Variants in MEGF9 observed in about 807,000 individuals in gnomAD.
MEGF9 encodes the protein multiple EGF like domains 9.
Under a neutral mutation model 46.8 loss-of-function variants are expected in MEGF9, and 6 were observed. The observed-to-expected ratio is 0.13, with a 90% confidence interval of 0.07 to 0.25. MEGF9 has a LOEUF of 0.25. MEGF9 is among the 10% of genes least tolerant of loss of function. The pLI is 1.00. For synonymous variants in MEGF9, 302 were observed against 330.7 expected (o/e 0.91, Z 0.94); for missense variants, 683 against 792.4 (o/e 0.86, Z 1.66).
Position 120,605,259 on chromosome 9 carries a change from ATCT to A in MEGF9, c.1737_1739del (p.Glu579del), listed in dbSNP as rs1249548350. 1.2e-6 allele frequency: 2 copies of A among 1,613,870 alleles called. No individual in the cohort carries two copies. The highest frequency in any genetic ancestry group is 1.7e-6 in the Non-Finnish European group (2 of 1,179,892). ...CATTGGGAGCCACTTCATTGCCATC[ATCT>A]TCCAACAATCCCGAAACATCTGCAT... On this transcript the variant is annotated inframe_deletion, in exon 6 of 6. Coordinates refer to ENST00000373930, the MANE Select transcript of MEGF9 (RefSeq NM_001080497.3). The surrounding 1 kb of genome is among the most constrained non-coding windows in gnomAD (Gnocchi z 4.0).
chr9:120,649,356 T>C (rs1464876327), intron 2 of MEGF9, among the ~76,000 whole-genome samples: 1 of 152,192 alleles, frequency 6.6e-6, no homozygotes, highest in African/African-American at 2.4e-5. Context: ...ACTATCTGTG[T>C]GGAGTTTGCA....
chr9:120,704,346 AAG>A (rs1338358169), intron 1 of MEGF9, among the ~76,000 whole-genome samples: 3 of 152,108 alleles, frequency 2.0e-5, no homozygotes, highest in Non-Finnish European at 2.9e-5. Flanking sequence ...AAAAAAAAAA[AAG>A]AGATGAAATT....
chr9:120,649,293 T>C (rs1359416695), intron 2 of MEGF9, among the ~76,000 whole-genome samples: 1 of 152,256 alleles, frequency 6.6e-6, no homozygotes, highest in Non-Finnish European at 1.5e-5. Context: ...AGTCCTCAAA[T>C]AATGTAGTTT....
intron 1 of MEGF9, chr9:120,691,487 T>A (rs1419212797): frequency 4.7e-6 from 2 of 427,802 alleles, no homozygotes; most frequent in Non-Finnish European, 4.8e-6. Flanking sequence ...GAACAAGAAG[T>A]CAGATTTCAA....
Position 120,605,230 on chromosome 9 carries a change from T to C in MEGF9, c.1769A>G (p.Gln590Arg). ...ATGTATGGGCGTCGTCAGGGTCAGCTGCCCATTGGGAGCCACTTCATTGCC... is the reference window on the plus strand; with the variant it reads ...ATGTATGGGCGTCGTCAGGGTCAGCCGCCCATTGGGAGCCACTTCATTGCC... ...DDGNEVAPNG[Q>R]LTLTTPIHNY... is the part of the protein sequence containing the mutation. Residue 590 changes from glutamine to arginine, a missense_variant, in exon 6 of 6, where the codon CAG becomes CGG. By Grantham distance (43) the Gln-to-Arg change is conservative (BLOSUM62 1). Coordinates refer to ENST00000373930, the MANE Select transcript of MEGF9 (RefSeq NM_001080497.3). This position sits in a 1 kb window ranked among gnomAD's most constrained non-coding sequence, Gnocchi z 4.0. The C allele has an allele frequency of 6.2e-7, 1 of 1,614,026 alleles. No individual in the cohort carries two copies.
intron 1 of MEGF9, among the ~76,000 whole-genome samples, chr9:120,684,979 C>T (rs7038110): frequency 3.3e-5 from 5 of 152,042 alleles, no homozygotes; most frequent in African/African-American, 9.7e-5. Context: ...GGACTACAGG[C>T]GCCCACCACC....
chr9:120,697,221 T>C (rs2132341346), intron 1 of MEGF9, among the ~76,000 whole-genome samples: 1 of 152,286 alleles, frequency 6.6e-6, no homozygotes, highest in South Asian at 2.1e-4. Flanking sequence ...TAGCTGGGAA[T>C]ACAGGCACAA....
At chr9:120,643,972 C>T (rs1238975034) in intron 2 of MEGF9, among the ~76,000 whole-genome samples, 1 of 152,174 alleles carries the variant, frequency 6.6e-6, no homozygotes, top group African/African-American at 2.4e-5. Context: ...GCCTTGGCCT[C>T]CCAAAGTGCT....
chr9:120,693,935 A>T (rs1363510033), intron 1 of MEGF9, among the ~76,000 whole-genome samples: 1 of 152,182 alleles, frequency 6.6e-6, no homozygotes, highest in East Asian at 1.9e-4. Flanking sequence ...AAAAAAAAAA[A>T]AATAAAGGTA....
Position 120,603,498 on chromosome 9 carries a change from G to A in MEGF9, c.*1692C>T, listed in dbSNP as rs2132294965. Reference sequence around the variant, plus strand: ...ACTTAGGGGTCTCCTATAAAGGGATGACCAAGTTCTAGGTTTTTCTCTAGG... The same window carrying A: ...ACTTAGGGGTCTCCTATAAAGGGATAACCAAGTTCTAGGTTTTTCTCTAGG... On this transcript the variant is annotated 3_prime_UTR_variant, in exon 6 of 6. Coordinates refer to ENST00000373930, the MANE Select transcript of MEGF9 (RefSeq NM_001080497.3). 1 of 152,076 alleles carries A rather than the reference G, an allele frequency of 6.6e-6. No homozygotes were observed. The highest frequency in any genetic ancestry group is 2.1e-4 in the South Asian group (1 of 4,826). 9.4% of individuals were successfully genotyped at this position (152,076 alleles called of 1,614,324 possible).
chr9:120,664,186 T>C lies in MEGF9; in HGVS notation c.602-4611A>G, dbSNP rs2043715107. On this transcript the variant is annotated intron_variant, in intron 1 of 5. Transcript: ENST00000373930. Reference sequence around the variant, plus strand: ...ATTTACTTGAACATACTGAAGACCTTTTCTAGGCCTTTAATATACCTGGTA... The same window carrying C: ...ATTTACTTGAACATACTGAAGACCTCTTCTAGGCCTTTAATATACCTGGTA... Among the ~76,000 whole-genome samples, 8 of 152,276 alleles carry C rather than the reference T, an allele frequency of 5.3e-5. No individual in the cohort carries two copies. In the South Asian group the frequency reaches 1.7e-3, roughly 32 times the overall value.
At chr9:120,686,566 G>A (rs188856730) in intron 1 of MEGF9, among the ~76,000 whole-genome samples, 3 of 152,332 alleles carry the variant, frequency 2.0e-5, no homozygotes, top group African/African-American at 7.2e-5. Flanking sequence ...GATACAGTAT[G>A]CTGGTAGGCA....
intron 1 of MEGF9, among the ~76,000 whole-genome samples, chr9:120,668,804 AG>A (rs1391394355): frequency 6.6e-6 from 1 of 152,246 alleles, no homozygotes; most frequent in East Asian, 1.9e-4. Flanking sequence ...ACCTTAAGCA[AG>A]GAATCTGAGT....
At chr9:120,628,733 A>G (rs959962958) in intron 2 of MEGF9, among the ~76,000 whole-genome samples, 3 of 152,032 alleles carry the variant, frequency 2.0e-5, no homozygotes, top group Non-Finnish European at 4.4e-5. Context: ...TATTTTTATT[A>G]TATTGGACAG....
chr9:120,665,369 C>T (rs1237801880), intron 1 of MEGF9, among the ~76,000 whole-genome samples: 1 of 152,126 alleles, frequency 6.6e-6, no homozygotes, highest in Non-Finnish European at 1.5e-5. Context: ...CCACACCTGG[C>T]TAATTTTGTA....
intron 1 of MEGF9, among the ~76,000 whole-genome samples, chr9:120,707,651 T>A (rs975106432): frequency 3.9e-5 from 6 of 152,214 alleles, no homozygotes; most frequent in Non-Finnish European, 7.4e-5. Flanking sequence ...CACGAGTAAG[T>A]AAGATCCTGA....
At position 120,714,191 on chromosome 9, in the gene MEGF9, G is replaced by T. The variant is rs1448880831; in HGVS notation, c.168C>A (p.Gly56=). The T allele has an allele frequency of 2.4e-6, 3 of 1,234,732 alleles. No homozygotes were observed. The highest frequency in any genetic ancestry group is 3.0e-6 in the Non-Finnish European group (3 of 990,346). The allele number at this position is 1,234,732 out of a possible 1,614,324, so 76.5% of individuals were successfully genotyped here. A position where few individuals can be genotyped will look rare whatever the true frequency, so the allele number is the denominator to read the frequency against. The change falls in exon 1 of 6, where the codon GGC becomes GGA. Residue 56 remains glycine, a synonymous_variant. Coordinates refer to ENST00000373930, the MANE Select transcript of MEGF9 (RefSeq NM_001080497.3). ...GAAGQVDASP[G]PGLRGEPSHP... The stretch of plus-strand genomic sequence containing the variant: ...GGCTGGGCTCGCCCCGCAACCCGGG[G>T]CCCGGCGACGCGTCCACCTGCCCCG...
At chr9:120,670,917 TA>T in intron 1 of MEGF9, among the ~76,000 whole-genome samples, 1 of 152,344 alleles carries the variant, frequency 6.6e-6, no homozygotes, top group African/African-American at 2.4e-5. Flanking sequence ...TCCATTTAAC[TA>T]GCATTTATTT....
intron 2 of MEGF9, among the ~76,000 whole-genome samples, chr9:120,637,649 GGGCAT>G (rs749616445): frequency 6.6e-6 from 1 of 151,380 alleles, no homozygotes; most frequent in Non-Finnish European, 1.5e-5. Context: ...AAAATTAGCT[GGGCAT>G]GGTGGTGGGT....
Sources: allele counts gnomAD v4.1 joint callset (sites outside exome capture counted in the v4.1 genomes callset), GRCh38; gene constraint gnomAD v4.1.1; non-coding constraint Gnocchi (gnomAD v3.1); transcripts MANE v1.5; gene names NCBI Gene and HGNC (gene_info 2026-07-23, HGNC 2026-07-21).